Variants in SIPA1L1 observed in about 807,000 individuals in gnomAD.
The protein encoded by SIPA1L1 is signal-induced proliferation-associated 1-like protein 1.
Under a neutral mutation model 162.7 loss-of-function variants are expected in SIPA1L1, and 26 were observed. That is an observed-to-expected ratio of 0.16 (90% confidence interval 0.12 to 0.22). The LOEUF is 0.22. Among genes scored for constraint, SIPA1L1 ranks in the 10% least tolerant of loss-of-function variants. SIPA1L1 has a pLI of 1.00. For missense variants in SIPA1L1, 1,874 were observed against 2,241.0 expected (o/e 0.84, Z 3.31); for synonymous variants, 829 against 837.4 (o/e 0.99, Z 0.17).
intron 2 of SIPA1L1, among the ~76,000 whole-genome samples, chr14:71,463,084 T>C (rs1233166167): frequency 6.6e-6 from 1 of 152,252 alleles, no homozygotes; most frequent in Admixed American, 6.5e-5. Flanking sequence ...CTATGTCTTC[T>C]GCGCAGGCCA....
At chr14:71,436,607 C>T (rs1295766510) in intron 2 of SIPA1L1, among the ~76,000 whole-genome samples, 1 of 151,796 alleles carries the variant, frequency 6.6e-6, no homozygotes, top group African/African-American at 2.4e-5. Context: ...GTTCATGAAC[C>T]AGTTTTAGAC....
At chr14:71,678,808 A>G (rs928801852) in intron 12 of SIPA1L1, among the ~76,000 whole-genome samples, 1 of 151,606 alleles carries the variant, frequency 6.6e-6, no homozygotes, top group Non-Finnish European at 1.5e-5. Flanking sequence ...TATTGCCTCA[A>G]TTTCAGAGCC....
intron 3 of SIPA1L1, among the ~76,000 whole-genome samples, chr14:71,517,988 G>C (rs36052007): frequency 0.18 from 28,086 of 151,910 alleles, 3,106 homozygotes; most frequent in Middle Eastern, 0.37. Context: ...AGAATGAGGC[G>C]AGCTGCAGTG....
chr14:71,620,927 TC>T (rs2039368603), intron 6 of SIPA1L1, among the ~76,000 whole-genome samples: 1 of 152,216 alleles, frequency 6.6e-6, no homozygotes, highest in African/African-American at 2.4e-5. Flanking sequence ...AGTCAAGTGT[TC>T]AAAAAAACCA....
chr14:71,602,453 G>A (rs1483465896), intron 5 of SIPA1L1, among the ~76,000 whole-genome samples: 1 of 152,110 alleles, frequency 6.6e-6, no homozygotes, highest in East Asian at 1.9e-4. Context: ...TTAAAGTTTT[G>A]TTGAGACTTA....
At chr14:71,341,275 C>T (rs565894237) in intron 2 of SIPA1L1, among the ~76,000 whole-genome samples, 1 of 152,334 alleles carries the variant, frequency 6.6e-6, no homozygotes, top group East Asian at 1.9e-4. Flanking sequence ...AACATCTTCA[C>T]GTTACTTCCC....
At chr14:71,556,843 C>G (rs1035080554) in intron 4 of SIPA1L1, among the ~76,000 whole-genome samples, 3 of 152,248 alleles carry the variant, frequency 2.0e-5, no homozygotes, top group Non-Finnish European at 4.4e-5. Context: ...CTAAATCCAG[C>G]AAGGCCTGTC....
intron 2 of SIPA1L1, among the ~76,000 whole-genome samples, chr14:71,476,393 T>C (rs1398460554): frequency 6.6e-6 from 1 of 152,188 alleles, no homozygotes; most frequent in Non-Finnish European, 1.5e-5. Flanking sequence ...TAAACAGTCA[T>C]ATTTTTGTGG....
chr14:71,404,294 C>T (rs1213512671), intron 2 of SIPA1L1, among the ~76,000 whole-genome samples: 1 of 152,172 alleles, frequency 6.6e-6, no homozygotes, highest in Non-Finnish European at 1.5e-5. Flanking sequence ...GTGGCTCCTA[C>T]CTGTAATCCC....
chr14:71,584,526 G>A (rs1034565741), intron 4 of SIPA1L1, among the ~76,000 whole-genome samples: 1 of 152,216 alleles, frequency 6.6e-6, no homozygotes, highest in African/African-American at 2.4e-5. Flanking sequence ...CCTTGAAGGA[G>A]GGACTGGTGG....
intron 16 of SIPA1L1, among the ~76,000 whole-genome samples, chr14:71,706,613 C>G (rs1363421223): frequency 1.3e-5 from 2 of 152,078 alleles, no homozygotes; most frequent in African/African-American, 2.4e-5. Flanking sequence ...GAAGTTCTGT[C>G]CTATTAAGAA....
Position 71,392,589 on chromosome 14 carries a change from G to A in SIPA1L1, c.-465+71408G>A, listed in dbSNP as rs2040846619. 2.6e-5 allele frequency among the ~76,000 whole-genome samples: 4 copies of A among 151,952 alleles called. No homozygotes were observed. In the South Asian group the frequency reaches 6.2e-4, roughly 24 times the overall value. ...GTCGCCCAGGCTGGAGTGCAGTGGT[G>A]CGATCTCGGCTCACTGCAAGCCCCG... On this transcript the variant is annotated intron_variant, in intron 2 of 23. Transcript: ENST00000381232.
rs57194513 is a variant in SIPA1L1 at position 71,509,436 on chromosome 14, T to C, written c.-464-3307T>C. Among the ~76,000 whole-genome samples, 255 of 152,204 alleles carry C rather than the reference T, an allele frequency of 1.7e-3. 3 individuals carry two copies. The East Asian group carries it at 0.046, about 27-fold the overall frequency. ...GCAGAACAATTGTTTTTTTGTAAGG[T>C]AGCATGAGCAATATCAAGGAAACAA... is the stretch of plus-strand genomic sequence containing the variant. On this transcript the variant is annotated intron_variant, in intron 2 of 23. Coordinates refer to ENST00000381232, the MANE Select transcript of SIPA1L1 (RefSeq NM_001386936.1).
intron 8 of SIPA1L1, among the ~76,000 whole-genome samples, chr14:71,656,898 T>TGA (rs1457981213): frequency 2.0e-5 from 3 of 152,240 alleles, no homozygotes; most frequent in Admixed American, 6.5e-5. Context: ...AGGAGTATTT[T>TGA]GGGGGGTGGG....
At chr14:71,698,867 C>G in intron 13 of SIPA1L1, 114 bp from the exon 14 acceptor site, 1 of 888,400 alleles carries the variant, frequency 1.1e-6, no homozygotes, top group South Asian at 1.8e-5. Flanking sequence ...TTCATTTTCA[C>G]TATCTCCATG....
At chr14:71,529,402 C>A in intron 4 of SIPA1L1, 32 bp downstream of exon 4, 1 of 595,990 alleles carries the variant, frequency 1.7e-6, no homozygotes, top group Non-Finnish European at 3.0e-6. Flanking sequence ...CTATGACCTA[C>A]CTGCTTTACA....
chr14:71,491,657 C>T (rs900507419), intron 2 of SIPA1L1, among the ~76,000 whole-genome samples: 4 of 151,908 alleles, frequency 2.6e-5, no homozygotes, highest in African/African-American at 9.7e-5. Context: ...ACCTCAACCC[C>T]ACAAGTAGCT....
intron 19 of SIPA1L1, among the ~76,000 whole-genome samples, chr14:71,727,185 A>G (rs2084320827): frequency 6.6e-6 from 1 of 152,134 alleles, no homozygotes; most frequent in South Asian, 2.1e-4. Context: ...CTGACAAGTG[A>G]ACAGACAGTA....
intron 2 of SIPA1L1, among the ~76,000 whole-genome samples, chr14:71,458,626 C>G (rs1042837925): frequency 2.6e-5 from 4 of 152,090 alleles, no homozygotes; most frequent in Admixed American, 2.0e-4. Context: ...ACTATTTAAC[C>G]TGGCCTAATT....
Sources: gnomAD v4.1 joint callset for allele counts (sites outside exome capture counted in the v4.1 genomes callset) on GRCh38, gnomAD v4.1.1 for gene constraint, MANE v1.5 for transcripts, NCBI Gene and HGNC (gene_info 2026-07-23, HGNC 2026-07-21) for gene names.